The following NRXN3 variants were observed in gnomAD, a reference collection of about 807,000 sequenced individuals.
NRXN3 encodes neurexin III.
NRXN3 carries 32 observed loss-of-function variants against 137.6 expected under a neutral mutation model. The ratio of observed to expected loss-of-function variants is 0.23; its 90% CI spans 0.18 to 0.31. NRXN3 has a LOEUF of 0.31. NRXN3 is among the 10% of genes least tolerant of loss of function. NRXN3 has a pLI of 1.00. For missense variants in NRXN3, 1,574 were observed against 2,062.5 expected (o/e 0.76, Z 4.59); for synonymous variants, 798 against 784.5 (o/e 1.02, Z -0.29).
intron 4 of NRXN3, among the ~76,000 whole-genome samples, chr14:78,578,699 T>C (rs2096961386): frequency 6.6e-6 from 1 of 152,176 alleles, no homozygotes; most frequent in Admixed American, 6.5e-5. Flanking sequence ...AGTATATTGT[T>C]CTGATCTAAA....
chr14:79,693,453 A>C (rs1305308365), intron 18 of NRXN3, among the ~76,000 whole-genome samples: 1 of 151,968 alleles, frequency 6.6e-6, no homozygotes, highest in Non-Finnish European at 1.5e-5. Flanking sequence ...AAAGCAAATA[A>C]TTTTGTTTAG....
intron 18 of NRXN3, among the ~76,000 whole-genome samples, chr14:79,695,883 C>G (rs1392546257): frequency 6.6e-6 from 1 of 151,864 alleles, no homozygotes; most frequent in African/African-American, 2.4e-5. Flanking sequence ...GTCATTAAGG[C>G]CAGCAGATCC....
chr14:79,395,703 G>A (rs777787390), intron 15 of NRXN3, among the ~76,000 whole-genome samples: 1 of 151,912 alleles, frequency 6.6e-6, no homozygotes, highest in Non-Finnish European at 1.5e-5. Flanking sequence ...CAGCTACTCC[G>A]GAGGCTGAGT....
At chr14:78,527,612 C>A (rs1223722026) in intron 4 of NRXN3, among the ~76,000 whole-genome samples, 5 of 152,142 alleles carry the variant, frequency 3.3e-5, no homozygotes. Context: ...ACTGAACTTT[C>A]TAAGCTCCAA....
chr14:79,485,590 G>T (rs2096648504), intron 16 of NRXN3, among the ~76,000 whole-genome samples: 1 of 152,004 alleles, frequency 6.6e-6, no homozygotes, highest in Admixed American at 6.6e-5. Context: ...CACTCCTTTT[G>T]TGTGTGTGCG....
At chr14:78,532,401 G>C (rs1347592171) in intron 4 of NRXN3, among the ~76,000 whole-genome samples, 1 of 151,486 alleles carries the variant, frequency 6.6e-6, no homozygotes, top group African/African-American at 2.4e-5. Context: ...GTGTGTGTGT[G>C]TGTGTGTGTG....
chr14:78,917,491 A>G (rs1217043706), intron 10 of NRXN3, among the ~76,000 whole-genome samples: 1 of 152,254 alleles, frequency 6.6e-6, no homozygotes, highest in Non-Finnish European at 1.5e-5. Flanking sequence ...AGCCTTATAC[A>G]GAGGACTATA....
chr14:79,005,860 AC>A (rs911619241), intron 15 of NRXN3, among the ~76,000 whole-genome samples: 38 of 152,148 alleles, frequency 2.5e-4, no homozygotes, highest in African/African-American at 7.2e-4. Context: ...CTCAAAAAAA[AC>A]GAGTGGGTTT....
At chr14:78,231,921 C>T (rs756088807) in intron 1 of NRXN3, among the ~76,000 whole-genome samples, 9 of 141,720 alleles carry the variant, frequency 6.4e-5, no homozygotes, top group Non-Finnish European at 1.4e-4. Context: ...ACCAAATTGT[C>T]ATGGGTCTGG....
chr14:79,715,088 G>T (rs2098819135), intron 19 of NRXN3, among the ~76,000 whole-genome samples: 1 of 152,044 alleles, frequency 6.6e-6, no homozygotes, highest in Non-Finnish European at 1.5e-5. Context: ...TGAGTAGCTG[G>T]GACTACAGGT....
chr14:79,671,572 T>C lies in NRXN3; in HGVS notation c.3616+7623T>C, dbSNP rs150716701. Among the ~76,000 whole-genome samples, 5 of 152,226 alleles carry C rather than the reference T, an allele frequency of 3.3e-5. No individual in the cohort carries two copies. In the East Asian group the frequency reaches 9.7e-4, roughly 29 times the overall value. ...TATCTATGCAAAAAGAAAGAACTTT[T>C]AAATGAAGGTTTGTTTTGCCATTTA... is the stretch of plus-strand genomic sequence containing the variant. On this transcript the variant is annotated intron_variant, in intron 17 of 20. Coordinates refer to ENST00000335750, the MANE Select transcript of NRXN3 (RefSeq NM_001330195.2).
At chr14:79,722,845 T>C (rs55953664) in intron 19 of NRXN3, among the ~76,000 whole-genome samples, 12,541 of 152,174 alleles carry the variant, frequency 0.082, 595 homozygotes, top group South Asian at 0.23. Flanking sequence ...GGTAGATGGA[T>C]AGATGGATGG....
At chr14:78,467,321 T>C (rs1045858272) in intron 4 of NRXN3, among the ~76,000 whole-genome samples, 1 of 152,272 alleles carries the variant, frequency 6.6e-6, no homozygotes, top group Non-Finnish European at 1.5e-5. Flanking sequence ...ATATTTGTTA[T>C]AAATTTCTCA....
chr14:79,184,581 C>T (rs1227034992), intron 15 of NRXN3, among the ~76,000 whole-genome samples: 1 of 152,156 alleles, frequency 6.6e-6, no homozygotes, highest in African/African-American at 2.4e-5. Flanking sequence ...CCCTCCCCTG[C>T]CCCCATGCTA....
intron 7 of NRXN3, among the ~76,000 whole-genome samples, chr14:78,712,690 G>A (rs753966769): frequency 6.6e-6 from 1 of 152,172 alleles, no homozygotes; most frequent in East Asian, 1.9e-4. Flanking sequence ...AACCTCTCGA[G>A]TAGCTGGGAT....
At chr14:78,216,351 C>G (rs923605801) in intron 1 of NRXN3, among the ~76,000 whole-genome samples, 2 of 152,200 alleles carry the variant, frequency 1.3e-5, no homozygotes, top group African/African-American at 4.8e-5. Context: ...CCAGATGTCT[C>G]TGTGGCTTGT....
chr14:78,715,591 C>T (rs952324824), intron 8 of NRXN3, among the ~76,000 whole-genome samples: 2 of 152,126 alleles, frequency 1.3e-5, no homozygotes, highest in East Asian at 3.9e-4. Context: ...GAATATTTAG[C>T]CATTAAATAA....
intron 16 of NRXN3, among the ~76,000 whole-genome samples, chr14:79,514,677 A>G (rs977081131): frequency 1.3e-5 from 2 of 152,250 alleles, no homozygotes; most frequent in Middle Eastern, 3.4e-3. Flanking sequence ...CACAACTTTC[A>G]GGTTAAATAA....
At chr14:78,479,386 T>C (rs1187667563) in intron 4 of NRXN3, among the ~76,000 whole-genome samples, 1 of 152,238 alleles carries the variant, frequency 6.6e-6, no homozygotes, top group East Asian at 1.9e-4. Context: ...AGTTTCTGAT[T>C]CATTAGATCT....
Sources: gnomAD v4.1 joint callset for allele counts (sites outside exome capture counted in the v4.1 genomes callset) on GRCh38, gnomAD v4.1.1 for gene constraint, MANE v1.5 for transcripts, NCBI Gene and HGNC (gene_info 2026-07-23, HGNC 2026-07-21) for gene names.